Variants in KLF7 observed in about 807,000 individuals in gnomAD.
The protein encoded by KLF7 is KLF transcription factor 7.
A neutral mutation model predicts 27.3 loss-of-function variants in KLF7; 2 were observed. The ratio of observed to expected loss-of-function variants is 0.07; its 90% CI spans 0.03 to 0.23. KLF7 has a LOEUF of 0.23. Ranked by LOEUF, KLF7 falls within the 10% of genes least tolerant of loss-of-function variation. The pLI, the probability that KLF7 is intolerant of heterozygous loss-of-function variation, is 1.00. For synonymous variants in KLF7, 165 were observed against 162.4 expected, an observed-to-expected ratio of 1.02 and a Z score of -0.12; for missense variants, 221 against 394.1, an observed-to-expected ratio of 0.56 and a Z score of 3.72.
intron 1 of KLF7, chr2:207,134,012 T>C: frequency 7.0e-7 from 1 of 1,420,304 alleles, no homozygotes; most frequent in Non-Finnish European, 9.5e-7. Flanking sequence ...TCCTGTTAAC[T>C]TTGCACACAC....
Position 207,081,083 on chromosome 2 carries a change from G to GTGTT in KLF7, c.*129_*130insAACA, listed in dbSNP as rs1204875268. 18 of 752,422 alleles carry GTGTT rather than the reference G, an allele frequency of 2.4e-5. No homozygotes were observed. The highest frequency in any genetic ancestry group is 4.1e-5 in the Non-Finnish European group (17 of 416,750). 46.6% of individuals were successfully genotyped at this position (752,422 alleles called of 1,614,324 possible). On this transcript the variant is annotated 3_prime_UTR_variant, in exon 4 of 4. Transcript: ENST00000309446. Reference sequence around the variant, plus strand: ...TATATGTGTGTGTGTGTGTGTGTGTGTACAGAGGTTTATAAGTGAGAACTT... The same window carrying GTGTT: ...TATATGTGTGTGTGTGTGTGTGTGTGTGTTTACAGAGGTTTATAAGTGAGAACTT...
chr2:207,082,358 G>A (rs1294067569), intron 3 of KLF7, among the ~76,000 whole-genome samples: 1 of 152,126 alleles, frequency 6.6e-6, no homozygotes, highest in African/African-American at 2.4e-5. Flanking sequence ...GTAAAGAGTT[G>A]GCTGGAGAAT....
chr2:207,159,883 G>A (rs2078492955), intron 1 of KLF7, among the ~76,000 whole-genome samples: 1 of 152,152 alleles, frequency 6.6e-6, no homozygotes, highest in African/African-American at 2.4e-5. Flanking sequence ...AATACCCCGA[G>A]AAGGAAAACT....
rs555132190 is a variant in KLF7 at position 207,157,566 on chromosome 2, C to A, written c.102+7901G>T. ...TAGACCCAGTCTTGGAACACCCTGA[C>A]TCTTGGAAGTTTGGCCTCATGCTAT... On this transcript the variant is annotated intron_variant, in intron 1 of 3. Transcript: ENST00000309446. 3.9e-5 allele frequency among the ~76,000 whole-genome samples: 6 copies of A among 152,318 alleles called. No individual in the cohort carries two copies. The South Asian group carries it at 1.2e-3, about 32-fold the overall frequency.
At chr2:207,145,087 G>A (rs571892488) in intron 1 of KLF7, among the ~76,000 whole-genome samples, 24 of 152,294 alleles carry the variant, frequency 1.6e-4, no homozygotes, top group African/African-American at 2.9e-4. Flanking sequence ...TGGAACTCTC[G>A]TATCTATATT....
At chr2:207,161,696 A>C (rs986625412) in intron 1 of KLF7, among the ~76,000 whole-genome samples, 3 of 152,230 alleles carry the variant, frequency 2.0e-5, no homozygotes, top group African/African-American at 7.2e-5. Context: ...GAGATTCCTT[A>C]TACCAAAGGC....
intron 1 of KLF7, among the ~76,000 whole-genome samples, chr2:207,160,962 G>A (rs1263743007): frequency 6.6e-6 from 1 of 152,228 alleles, no homozygotes; most frequent in Non-Finnish European, 1.5e-5. Context: ...AGGAGTGGGG[G>A]TGGGAAGTTC....
chr2:207,167,230 A>T, upstream of KLF7: 1 of 1,161,960 alleles, frequency 8.6e-7, no homozygotes, highest in South Asian at 2.3e-5. Context: ...GTAGACATAG[A>T]GAGATCTGTT....
chr2:207,138,834 C>T (rs2106049540), intron 1 of KLF7, among the ~76,000 whole-genome samples: 1 of 152,270 alleles, frequency 6.6e-6, no homozygotes, highest in South Asian at 2.1e-4. Context: ...AATGTAGGCC[C>T]CAGCAGAGCT....
chr2:207,134,008 TA>T, intron 1 of KLF7: 1 of 1,383,044 alleles, frequency 7.2e-7, no homozygotes, highest in Non-Finnish European at 9.8e-7. Flanking sequence ...CCGCTCCTGT[TA>T]ACTTTGCACA....
chr2:207,130,155 T>G (rs886645074), intron 1 of KLF7, among the ~76,000 whole-genome samples: 3 of 152,130 alleles, frequency 2.0e-5, no homozygotes, highest in Non-Finnish European at 2.9e-5. Flanking sequence ...CTTCACCTAT[T>G]TTTCTTGTCC....
intron 2 of KLF7, among the ~76,000 whole-genome samples, chr2:207,110,762 G>C (rs2077015408): frequency 6.6e-6 from 1 of 152,184 alleles, no homozygotes; most frequent in Non-Finnish European, 1.5e-5. Flanking sequence ...AATAAATAAT[G>C]CAATATTTCC....
intron 3 of KLF7, among the ~76,000 whole-genome samples, chr2:207,084,644 T>G (rs2076346542): frequency 1.3e-5 from 2 of 152,178 alleles, no homozygotes; most frequent in South Asian, 4.1e-4. Context: ...AACTTATACT[T>G]ATTAATTTAT....
intron 1 of KLF7, among the ~76,000 whole-genome samples, chr2:207,145,891 G>A (rs2078084054): frequency 6.6e-6 from 1 of 152,174 alleles, no homozygotes. Context: ...GAGAAGGGTG[G>A]AGAAATTAAG....
chr2:207,112,253 A>G (rs2077057935), intron 2 of KLF7, among the ~76,000 whole-genome samples: 1 of 151,886 alleles, frequency 6.6e-6, no homozygotes, highest in South Asian at 2.1e-4. Flanking sequence ...TTTTTCTTTG[A>G]TAACAAGATT....
rs558775982 is a variant in KLF7, at chr2:207,165,634, G to T, written c.-66C>A. 4,718 of 1,607,456 alleles carry T rather than the reference G, an allele frequency of 2.9e-3. 34 individuals carry two copies. The highest frequency in any genetic ancestry group is 0.017 in the Middle Eastern group (78 of 4,480). ...CGAACACAGTTGGGGCTGTTTGTTT[G>T]TCAGTCTGTCTGGCTCACCCCCCAA... On this transcript the variant is annotated 5_prime_UTR_variant, in exon 1 of 4. Coordinates refer to ENST00000309446, the MANE Select transcript of KLF7 (RefSeq NM_003709.4).
intron 1 of KLF7, among the ~76,000 whole-genome samples, chr2:207,136,029 T>C (rs1461858283): frequency 1.3e-5 from 2 of 152,164 alleles, no homozygotes; most frequent in Non-Finnish European, 2.9e-5. Context: ...GCAATTAGGA[T>C]GAGTGAACAA....
intron 2 of KLF7, among the ~76,000 whole-genome samples, chr2:207,113,900 G>C (rs2077107197): frequency 6.6e-6 from 1 of 151,960 alleles, no homozygotes; most frequent in South Asian, 2.1e-4. Flanking sequence ...AGGAACTCAG[G>C]AAAAATCTTC....
chr2:207,159,386 G>GATAGGC lies in KLF7; in HGVS notation c.102+6075_102+6080dup, dbSNP rs2078477765. Among the ~76,000 whole-genome samples the GATAGGC allele has an allele frequency of 1.3e-5, 2 of 152,230 alleles. 1 individual carries two copies. The highest frequency in any genetic ancestry group is 4.1e-4 in the South Asian group (2 of 4,834). On this transcript the variant is annotated intron_variant, in intron 1 of 3. Coordinates refer to ENST00000309446, the MANE Select transcript of KLF7 (RefSeq NM_003709.4). ...AGGTTGGAACTATGTGGGTAATACA[G>GATAGGC]ATAGGCACAGGTCAGTGTTCCAACA... is the stretch of plus-strand genomic sequence containing the variant.
Sources: gnomAD v4.1 joint callset for allele counts (sites outside exome capture counted in the v4.1 genomes callset) on GRCh38, gnomAD v4.1.1 for gene constraint, MANE v1.5 for transcripts, NCBI Gene and HGNC (gene_info 2026-07-23, HGNC 2026-07-21) for gene names.